Variants in ATXN2 observed in about 807,000 individuals in gnomAD.
ATXN2 encodes the protein ataxin 2, also known as ataxin-2.
ATXN2 carries 37 observed loss-of-function variants against 138.6 expected under a neutral mutation model. That is an observed-to-expected ratio of 0.27 (90% confidence interval 0.21 to 0.35). The LOEUF is 0.35. Ranked by LOEUF, ATXN2 falls within the 10% of genes least tolerant of loss-of-function variation. The pLI is 1.00. For missense variants in ATXN2, 1,216 were observed against 1,480.3 expected, an observed-to-expected ratio of 0.82 and a Z score of 2.93; for synonymous variants, 549 against 543.7, an observed-to-expected ratio of 1.01 and a Z score of -0.13.
intron 14 of ATXN2, among the ~76,000 whole-genome samples, chr12:111,504,643 G>A (rs573180293): frequency 1.1e-4 from 16 of 152,062 alleles, no homozygotes; most frequent in Admixed American, 6.6e-5. Context: ...ACCTACATAC[G>A]GAAGAATGAA....
chr12:111,571,239 AT>A (rs1388921606), intron 1 of ATXN2, among the ~76,000 whole-genome samples: 1 of 152,208 alleles, frequency 6.6e-6, no homozygotes, highest in Non-Finnish European at 1.5e-5. Context: ...AAATCCCAAA[AT>A]TCAGATTTGG....
At chr12:111,494,886 T>C (rs1878311033) in intron 14 of ATXN2, among the ~76,000 whole-genome samples, 1 of 148,518 alleles carries the variant, frequency 6.7e-6, no homozygotes, top group South Asian at 2.2e-4. Flanking sequence ...AGGGAGGGAG[T>C]AGGACTACAA....
At chr12:111,592,132 G>C (rs939654650) in intron 1 of ATXN2, among the ~76,000 whole-genome samples, 11 of 140,422 alleles carry the variant, frequency 7.8e-5, no homozygotes, top group African/African-American at 2.1e-4. Context: ...GCTCACGCCT[G>C]TAATCCCAGC....
chr12:111,581,756 T>A, intron 1 of ATXN2: 2 of 602,910 alleles, frequency 3.3e-6, no homozygotes, highest in Non-Finnish European at 6.2e-6. Context: ...CATCCCAGTG[T>A]TGATCTTTCA....
chr12:111,568,743 C>T (rs1051958824), intron 1 of ATXN2, among the ~76,000 whole-genome samples: 3 of 152,292 alleles, frequency 2.0e-5, no homozygotes. Flanking sequence ...ACTTAAGTAA[C>T]TAATATTTAG....
At position 111,485,317 on chromosome 12, in the gene ATXN2, T is replaced by G. The variant is rs755054172; in HGVS notation, c.2472A>C (p.Ile824=). ...GATTCACTGGCATGGGCGTCATAGG[T>G]ATTGGGTATAAAGGCTTGAGAGAAT... ...VSPGVQPLYP[I]PMTPMPVNQA... Residue 824 remains isoleucine, a synonymous_variant, in exon 18 of 25, where the codon ATA becomes ATC. Coordinates refer to ENST00000673436, the MANE Select transcript of ATXN2 (RefSeq NM_001372574.1). 2 of 1,612,734 alleles carry G rather than the reference T, an allele frequency of 1.2e-6. No homozygotes were observed. The highest frequency in any genetic ancestry group is 2.2e-5 in the South Asian group (2 of 90,906).
chr12:111,489,649 C>G (rs1293119610), intron 14 of ATXN2, among the ~76,000 whole-genome samples: 1 of 149,784 alleles, frequency 6.7e-6, no homozygotes, highest in African/African-American at 2.5e-5. Flanking sequence ...GAGCTGGGCA[C>G]AGTAGCTCAT....
intron 5 of ATXN2, among the ~76,000 whole-genome samples, chr12:111,548,718 G>A (rs1229332575): frequency 6.6e-6 from 1 of 152,036 alleles, no homozygotes; most frequent in Non-Finnish European, 1.5e-5. Flanking sequence ...GACAGAAAGG[G>A]GACTGTGAGG....
intron 21 of ATXN2, among the ~76,000 whole-genome samples, chr12:111,460,897 A>G (rs1875527508): frequency 6.6e-6 from 1 of 152,224 alleles, no homozygotes; most frequent in African/African-American, 2.4e-5. Context: ...ATTTGCATGC[A>G]TAGCACAAAT....
chr12:111,469,940 CA>C, intron 20 of ATXN2, 167 bp downstream of exon 20: 1 of 767,192 alleles, frequency 1.3e-6, no homozygotes, highest in Non-Finnish European at 1.9e-6. Context: ...AACTATTTGC[CA>C]AAAGTTATAA....
intron 5 of ATXN2, among the ~76,000 whole-genome samples, chr12:111,545,337 C>T (rs1311752157): frequency 6.6e-6 from 1 of 152,042 alleles, no homozygotes; most frequent in Non-Finnish European, 1.5e-5. Context: ...TGGCTCACGC[C>T]TGTAATCCCA....
intron 23 of ATXN2, chr12:111,454,109 G>A (rs1229065264): frequency 3.0e-6 from 1 of 336,162 alleles, no homozygotes; most frequent in Non-Finnish European, 5.4e-6. Context: ...CCTAACCCTT[G>A]ACATTTCTGA....
intron 18 of ATXN2, among the ~76,000 whole-genome samples, chr12:111,476,769 C>A (rs1876842698): frequency 6.6e-6 from 1 of 152,156 alleles, no homozygotes; most frequent in South Asian, 2.1e-4. Context: ...TATATGATGA[C>A]CTCAATGAAG....
At chr12:111,465,749 G>GAC (rs1400671184) in intron 20 of ATXN2, among the ~76,000 whole-genome samples, 7 of 116,526 alleles carry the variant, frequency 6.0e-5, no homozygotes, top group African/African-American at 2.0e-4. Flanking sequence ...CAGAATGGGT[G>GAC]ACAGAGTGAG....
intron 5 of ATXN2, among the ~76,000 whole-genome samples, chr12:111,547,561 A>C (rs552578080): frequency 6.6e-6 from 1 of 151,644 alleles, no homozygotes; most frequent in Admixed American, 6.6e-5. Flanking sequence ...CCCAGTCTCT[A>C]CTAAAAATAC....
At position 111,574,787 on chromosome 12, in the gene ATXN2, T is replaced by C. The variant is rs886545770; in HGVS notation, c.252-18868A>G. 2.6e-5 allele frequency among the ~76,000 whole-genome samples: 4 copies of C among 152,322 alleles called. No homozygotes were observed. In the East Asian group the frequency reaches 7.7e-4, roughly 29 times the overall value. On this transcript the variant is annotated intron_variant, in intron 1 of 24. Coordinates refer to ENST00000673436, the MANE Select transcript of ATXN2 (RefSeq NM_001372574.1). Reference sequence around the variant, plus strand: ...AGTATAGTCCTTCACCCAGAGAAGCTAGTGACTCAAGTTCCTGGTTGATTA... The same window carrying C: ...AGTATAGTCCTTCACCCAGAGAAGCCAGTGACTCAAGTTCCTGGTTGATTA...
chr12:111,470,449 C>T (rs543026364), intron 19 of ATXN2, 109 bp downstream of exon 19: 2 of 1,301,646 alleles, frequency 1.5e-6, no homozygotes, highest in South Asian at 2.8e-5. Flanking sequence ...CCTTAGCTAT[C>T]TACCCTACCA....
At chr12:111,538,117 C>A (rs539959821) in intron 5 of ATXN2, among the ~76,000 whole-genome samples, 3 of 151,524 alleles carry the variant, frequency 2.0e-5, no homozygotes, top group East Asian at 1.9e-4. Context: ...AAAAAAAAAA[C>A]CTAATTTTCT....
At chr12:111,570,687 T>C (rs1170480237) in intron 1 of ATXN2, among the ~76,000 whole-genome samples, 1 of 152,174 alleles carries the variant, frequency 6.6e-6, no homozygotes, top group Non-Finnish European at 1.5e-5. Flanking sequence ...CTCATTATTT[T>C]GAAGCCCTTT....
Sources: gnomAD v4.1 joint callset for allele counts (sites outside exome capture counted in the v4.1 genomes callset) on GRCh38, gnomAD v4.1.1 for gene constraint, MANE v1.5 for transcripts, NCBI Gene and HGNC (gene_info 2026-07-23, HGNC 2026-07-21) for gene names.